SLC39A6: variants seen among roughly 807,000 people sequenced by gnomAD.
SLC39A6 encodes solute carrier family 39 member 6.
A neutral mutation model predicts 63.5 loss-of-function variants in SLC39A6; 51 were observed. That is an observed-to-expected ratio of 0.80 (90% CI 0.64 to 1.01). The LOEUF (loss-of-function observed/expected upper bound fraction) is 1.01, where lower values mean the gene tolerates loss of function less well. Among genes scored for constraint, SLC39A6 ranks in the 50% least tolerant of loss-of-function variants. The probability of loss-of-function intolerance (pLI) is 0.00; values close to 1 mark genes in which losing one functional copy is unlikely to be tolerated. For synonymous variants in SLC39A6, 318 were observed against 324.7 expected (o/e 0.98, Z 0.22); for missense variants, 805 against 927.8 (o/e 0.87, Z 1.72).
At position 36,116,712 on chromosome 18, in the gene SLC39A6, T is replaced by C. The variant is rs550690502; in HGVS notation, c.1427A>G (p.Gln476Arg). ...TACTTTCTCCTCATTTGTTGAAAGT[T>C]GAGATTCATACTTGGACAACTGCTT... ...IKKQLSKYES[Q>R]LSTNEEKVDT... The change falls in exon 6 of 10, where the codon CAA (glutamine) becomes CGA (arginine). Residue 476 changes from glutamine to arginine, a missense_variant. Around this residue, in one of 4 missense-constraint regions of SLC39A6, gnomAD observed 639 missense variants for 644.0 expected, o/e 0.99. Coordinates refer to ENST00000269187, the MANE Select transcript of SLC39A6 (RefSeq NM_012319.4). 21 of 1,613,118 alleles carry C rather than the reference T, an allele frequency of 1.3e-5. No individual in the cohort carries two copies. In the East Asian group the frequency reaches 4.5e-4, roughly 34 times the overall value.
intron 7 of SLC39A6, 92 bp downstream of exon 7, chr18:36,114,005 T>C (rs1243013666): frequency 5.5e-6 from 8 of 1,453,768 alleles, no homozygotes; most frequent in Non-Finnish European, 7.3e-6. Flanking sequence ...TATCCTCATC[T>C]AAACTAATCT....
rs1231769069 is a variant in SLC39A6 at position 36,122,093 on chromosome 18, C to T, written c.1318G>A (p.Val440Ile). ...TTAAATTGTTTGATCAATGTGAGGA[C>T]ATGTTCAACAAGAAACATGAAATAC... ...GLYFMFLVEH[V>I]LTLIKQFKDK... Residue 440 changes from valine to isoleucine, a missense_variant, in exon 5 of 10, where the codon GTC becomes ATC. Transcript: ENST00000269187. 1.9e-6 allele frequency: 3 copies of T among 1,613,704 alleles called. No individual in the cohort carries two copies. Among genetic ancestry groups the T allele is most frequent in the Admixed American group, 1.7e-5 (1 of 60,000 alleles).
In SLC39A6 at chr18:36,109,612, A is replaced by G; in HGVS notation, c.2249T>C (p.Val750Ala). The change falls in exon 10 of 10, where the codon GTG becomes GCG. Residue 750 changes from valine (V) to alanine (A), a missense_variant. Coordinates refer to ENST00000269187, the MANE Select transcript of SLC39A6 (RefSeq NM_012319.4). ...CCTTAACTAGAAATTTATACGAAACACGATTTTATGTTCAAATATGGAAAT... is the reference window on the plus strand; with the variant it reads ...CCTTAACTAGAAATTTATACGAAACGCGATTTTATGTTCAAATATGGAAAT... Reference protein sequence around the residue: ...LLISIFEHKIVFRINF With the variant: ...LLISIFEHKIAFRINF 1 of 1,607,624 alleles carries G rather than the reference A, an allele frequency of 6.2e-7. No individual in the cohort carries two copies. Among genetic ancestry groups the G allele is most frequent in the Non-Finnish European group, 8.5e-7 (1 of 1,176,366 alleles).
rs1235979179 is a variant in SLC39A6, at chr18:36,126,729, G to A, written c.279C>T (p.His93=). ...GGTCTGAGTGATGGTCGTGGTCATG[G>A]TGTATATGGATTCTTTTAATCTTAT... is the stretch of plus-strand genomic sequence containing the variant. ...GIDKIKRIHI[H]HDHDHHSDHE... Residue 93 remains histidine, a synonymous_variant, in exon 2 of 10, where the codon CAC becomes CAT. Transcript: ENST00000269187. The A allele has an allele frequency of 9.3e-6, 15 of 1,614,076 alleles. No homozygotes were observed. The highest frequency in any genetic ancestry group is 1.3e-5 in the Non-Finnish European group (15 of 1,180,024).
chr18:36,125,350 GAA>G (rs72307025), intron 2 of SLC39A6, among the ~76,000 whole-genome samples: 4 of 134,042 alleles, frequency 3.0e-5, no homozygotes, highest in African/African-American at 1.1e-4. Flanking sequence ...AGCCAAAAAA[GAA>G]AAAAAAAAAA....
At chr18:36,127,727 G>A (rs974949025) in intron 1 of SLC39A6, among the ~76,000 whole-genome samples, 1 of 150,218 alleles carries the variant, frequency 6.7e-6, no homozygotes, top group Non-Finnish European at 1.5e-5. Flanking sequence ...TATCCCTCAG[G>A]ATATTTTCTA....
At chr18:36,110,231 G>A (rs1188961409) in intron 9 of SLC39A6, among the ~76,000 whole-genome samples, 1 of 152,098 alleles carries the variant, frequency 6.6e-6, no homozygotes, top group African/African-American at 2.4e-5. Flanking sequence ...AAAAAGATAT[G>A]ACTCCTTTGT....
At chr18:36,113,239 T>C (rs2089315707) in intron 7 of SLC39A6, among the ~76,000 whole-genome samples, 1 of 151,908 alleles carries the variant, frequency 6.6e-6, no homozygotes, top group Non-Finnish European at 1.5e-5. Context: ...GGACTACAGG[T>C]GTGTACCACC....
intron 8 of SLC39A6, among the ~76,000 whole-genome samples, chr18:36,111,641 C>T (rs1480970802): frequency 6.6e-6 from 1 of 152,128 alleles, no homozygotes; most frequent in African/African-American, 2.4e-5. Context: ...CATGCCACCA[C>T]ACCTGGATAA....
intron 5 of SLC39A6, among the ~76,000 whole-genome samples, chr18:36,118,906 G>T (rs2089369170): frequency 6.6e-6 from 1 of 152,174 alleles, no homozygotes; most frequent in Non-Finnish European, 1.5e-5. Flanking sequence ...AAGAAAGATG[G>T]AGAGGAATGG....
At chr18:36,120,580 C>T (rs1009984415) in intron 5 of SLC39A6, among the ~76,000 whole-genome samples, 1 of 152,248 alleles carries the variant, frequency 6.6e-6, no homozygotes, top group African/African-American at 2.4e-5. Context: ...GAAACCTCTT[C>T]ACGCCAGTTA....
intron 6 of SLC39A6, among the ~76,000 whole-genome samples, chr18:36,114,781 C>G (rs1042885114): frequency 1.3e-5 from 2 of 152,052 alleles, no homozygotes; most frequent in Non-Finnish European, 1.5e-5. Context: ...TTTTCCTCAT[C>G]CTAAGAGAAG....
chr18:36,111,172 C>G lies in SLC39A6; in HGVS notation c.2002G>C (p.Ala668Pro). 1 of 1,614,016 alleles carries G rather than the reference C, an allele frequency of 6.2e-7. No homozygotes were observed. The highest frequency in any genetic ancestry group is 8.5e-7 in the Non-Finnish European group (1 of 1,179,882). The change falls in exon 9 of 10, where the codon GCG becomes CCG. Residue 668 changes from alanine (A) to proline (P), a missense_variant. By Grantham distance (27) the Ala-to-Pro change is conservative. Transcript: ENST00000269187. ...VLYNALSAML[A>P]YLGMATGIFI... ...ATTCCTGTTGCCATTCCAAGATACG[C>G]CAGCATGGCTGACAATGCATTATAA...
chr18:36,128,273 C>T (rs1265857187), intron 1 of SLC39A6, among the ~76,000 whole-genome samples: 1 of 152,200 alleles, frequency 6.6e-6, no homozygotes, highest in Non-Finnish European at 1.5e-5. Flanking sequence ...AAGACGCAGA[C>T]GTCAAGTTTA....
rs1256523824 is a variant in SLC39A6 at position 36,124,370 on chromosome 18, C to T, written c.970+150G>A. 26 of 478,678 alleles carry T rather than the reference C, an allele frequency of 5.4e-5. No homozygotes were observed. The East Asian group carries it at 8.1e-4, about 15-fold the overall frequency. The allele number at this position is 478,678 out of a possible 1,614,324, so 29.7% of individuals were successfully genotyped here. On this transcript the variant is annotated intron_variant, in intron 3 of 9. Coordinates refer to ENST00000269187, the MANE Select transcript of SLC39A6 (RefSeq NM_012319.4). ...TTTAAAGGGCAGGGCTAACACCCTT[C>T]CTTGCTTTCTTCACATTCAAGGCAA...
rs986677802 is a variant in SLC39A6, at chr18:36,116,629, G to A, written c.1465+45C>T. On this transcript the variant is annotated intron_variant, in intron 6 of 9. Coordinates refer to ENST00000269187, the MANE Select transcript of SLC39A6 (RefSeq NM_012319.4). ...AGTCAAGTTGCCTGCAAATCATACA[G>A]CAATGAACTCCCTCCAGCCCTAAAA... 3 of 1,301,432 alleles carry A rather than the reference G, an allele frequency of 2.3e-6. No homozygotes were observed. The African/African-American group carries it at 4.4e-5, about 19-fold the overall frequency. The allele number at this position is 1,301,432 out of a possible 1,614,324, so 80.6% of individuals were successfully genotyped here. A position where few individuals can be genotyped will look rare whatever the true frequency, so the allele number is the denominator to read the frequency against.
intron 5 of SLC39A6, among the ~76,000 whole-genome samples, chr18:36,118,413 GAAT>G (rs2089365310): frequency 6.6e-6 from 1 of 152,168 alleles, no homozygotes; most frequent in East Asian, 1.9e-4. Context: ...GTGCTATTAA[GAAT>G]GTATAATAAC....
intron 7 of SLC39A6, among the ~76,000 whole-genome samples, chr18:36,113,888 G>C (rs888968950): frequency 6.6e-6 from 1 of 152,156 alleles, no homozygotes; most frequent in Non-Finnish European, 1.5e-5. Flanking sequence ...TAGGTAATGG[G>C]CTAGGTACAA....
At chr18:36,111,745 G>A (rs1046237883) in intron 8 of SLC39A6, among the ~76,000 whole-genome samples, 2 of 152,108 alleles carry the variant, frequency 1.3e-5, no homozygotes, top group Non-Finnish European at 2.9e-5. Flanking sequence ...CCGGCCTCCC[G>A]AAGTGCTGGG....
Sources: allele counts gnomAD v4.1 joint callset (sites outside exome capture counted in the v4.1 genomes callset), GRCh38; gene constraint gnomAD v4.1.1; regional missense constraint gnomAD v4.1.1; transcripts MANE v1.5; gene names NCBI Gene and HGNC (gene_info 2026-07-23, HGNC 2026-07-21).